The following IGSF21 variants were observed in gnomAD, a reference collection of about 807,000 sequenced individuals.
The protein encoded by IGSF21 is immunoglobin superfamily member 21.
A neutral mutation model predicts 46.8 loss-of-function variants in IGSF21; 28 were observed. The observed-to-expected ratio is 0.60, with a 90% CI of 0.44 to 0.82. The LOEUF (loss-of-function observed/expected upper bound fraction) is 0.82, where lower values mean the gene tolerates loss of function less well. Ranked by LOEUF, IGSF21 falls within the 40% of genes least tolerant of loss-of-function variation. The probability of loss-of-function intolerance (pLI) is 0.00; values close to 1 mark genes in which losing one functional copy is unlikely to be tolerated. For synonymous variants in IGSF21, 284 were observed against 273.6 expected, an observed-to-expected ratio of 1.04 and a Z score of -0.38; for missense variants, 624 against 665.5, an observed-to-expected ratio of 0.94 and a Z score of 0.69.
chr1:18,153,852 C>T (rs575578244), intron 1 of IGSF21, among the ~76,000 whole-genome samples: 4 of 152,158 alleles, frequency 2.6e-5, no homozygotes, highest in African/African-American at 7.2e-5. Flanking sequence ...CAGGACTGTC[C>T]AGCTGCATCT....
intron 4 of IGSF21, among the ~76,000 whole-genome samples, chr1:18,356,137 G>T (rs2086015819): frequency 6.6e-6 from 1 of 152,256 alleles, no homozygotes; most frequent in East Asian, 1.9e-4. Context: ...ACCTGGCCTA[G>T]ATTCTTACTA....
intron 3 of IGSF21, among the ~76,000 whole-genome samples, chr1:18,323,962 G>A (rs2085631111): frequency 6.6e-6 from 1 of 152,120 alleles, no homozygotes; most frequent in Non-Finnish European, 1.5e-5. Context: ...CTTAGGTAGT[G>A]GGGCTTTTCC....
chr1:18,273,492 CT>C (rs1441265578), intron 2 of IGSF21, among the ~76,000 whole-genome samples: 1 of 75,980 alleles, frequency 1.3e-5, no homozygotes, highest in Non-Finnish European at 2.7e-5. Context: ...TTCTTTCTTT[CT>C]TTCTTTCTTT....
chr1:18,263,733 C>T (rs1055809871), intron 2 of IGSF21, among the ~76,000 whole-genome samples: 1 of 152,144 alleles, frequency 6.6e-6, no homozygotes, highest in Admixed American at 6.5e-5. Flanking sequence ...AGACACTCTT[C>T]CTGTAAAACC....
chr1:18,310,701 A>G lies in IGSF21; in HGVS notation c.305+18714A>G, dbSNP rs552360952. On this transcript the variant is annotated intron_variant, in intron 3 of 9. Transcript: ENST00000251296. ...CAAAATGCCACAAACTGGGAGGCTTAAAACAACAGAACTGTATTCTCTCAC... is the reference window on the plus strand; with the variant it reads ...CAAAATGCCACAAACTGGGAGGCTTGAAACAACAGAACTGTATTCTCTCAC... Among the ~76,000 whole-genome samples, 34 of 152,344 alleles carry G rather than the reference A, an allele frequency of 2.2e-4. No homozygotes were observed. The East Asian group carries it at 6.0e-3, about 27-fold the overall frequency.
chr1:18,345,580 C>T (rs1395958940), intron 4 of IGSF21, among the ~76,000 whole-genome samples: 1 of 152,098 alleles, frequency 6.6e-6, no homozygotes, highest in Non-Finnish European at 1.5e-5. Flanking sequence ...AGACATGTTT[C>T]TCCATGTTGG....
At chr1:18,263,450 T>C (rs1002866275) in intron 2 of IGSF21, among the ~76,000 whole-genome samples, 2 of 150,446 alleles carry the variant, frequency 1.3e-5, no homozygotes, top group Non-Finnish European at 1.5e-5. Context: ...ACCAGGCGAA[T>C]GCACATCTGA....
At chr1:18,252,676 G>A (rs1029557182) in intron 2 of IGSF21, among the ~76,000 whole-genome samples, 4 of 152,242 alleles carry the variant, frequency 2.6e-5, no homozygotes, top group Non-Finnish European at 4.4e-5. Context: ...AGAGGAGGAA[G>A]GGAATCAGAG....
At chr1:18,356,383 C>A (rs2086018500) in intron 4 of IGSF21, among the ~76,000 whole-genome samples, 1 of 152,152 alleles carries the variant, frequency 6.6e-6, no homozygotes, top group Non-Finnish European at 1.5e-5. Context: ...GAGCACTGGA[C>A]ATCATTGTCT....
intron 1 of IGSF21, among the ~76,000 whole-genome samples, chr1:18,125,462 C>G (rs182941848): frequency 2.0e-5 from 3 of 151,978 alleles, no homozygotes; most frequent in Admixed American, 2.0e-4. Context: ...AGGACAGATA[C>G]GGCTACCTCG....
intron 1 of IGSF21, among the ~76,000 whole-genome samples, chr1:18,158,138 T>TGAGTCTGAAGTCCTTCAGGATCTC (rs2086584464): frequency 6.6e-6 from 1 of 152,158 alleles, no homozygotes; most frequent in African/African-American, 2.4e-5. Context: ...GGGCAGGGAC[T>TGAGTCTGAAGTCCTTCAGGATCTC]GAGTCTGAAG....
At chr1:18,124,411 G>T (rs1339781881) in intron 1 of IGSF21, among the ~76,000 whole-genome samples, 1 of 152,200 alleles carries the variant, frequency 6.6e-6, no homozygotes, top group Non-Finnish European at 1.5e-5. Flanking sequence ...TTAAGCCACC[G>T]GCTAAGGGGT....
chr1:18,331,067 G>A (rs12410157), intron 3 of IGSF21, among the ~76,000 whole-genome samples: 68,004 of 152,056 alleles, frequency 0.45, 15,344 homozygotes, highest in South Asian at 0.54. Context: ...CATATTTTAA[G>A]ATTTACAGTT....
intron 1 of IGSF21, among the ~76,000 whole-genome samples, chr1:18,205,140 G>GGAGA (rs140828822): frequency 4.7e-5 from 7 of 149,722 alleles, no homozygotes; most frequent in South Asian, 2.1e-4. Flanking sequence ...GATAAGAAGG[G>GGAGA]GAGAGAGAGA....
chr1:18,239,449 T>G (rs1281265728), intron 2 of IGSF21, among the ~76,000 whole-genome samples: 1 of 152,036 alleles, frequency 6.6e-6, no homozygotes, highest in Non-Finnish European at 1.5e-5. Flanking sequence ...CGACCACCCC[T>G]CCCTGCCCCA....
intron 2 of IGSF21, among the ~76,000 whole-genome samples, chr1:18,229,362 C>T (rs1278314827): frequency 6.6e-6 from 1 of 152,196 alleles, no homozygotes; most frequent in Non-Finnish European, 1.5e-5. Context: ...GGCATGCGTG[C>T]TGTTCATAGT....
intron 2 of IGSF21, among the ~76,000 whole-genome samples, chr1:18,233,659 A>T (rs1024185661): frequency 2.0e-5 from 3 of 152,192 alleles, no homozygotes; most frequent in Non-Finnish European, 4.4e-5. Flanking sequence ...AGCTTACAGG[A>T]TCTAGAGAGG....
chr1:18,190,658 G>A (rs553766131), intron 1 of IGSF21, among the ~76,000 whole-genome samples: 1 of 152,172 alleles, frequency 6.6e-6, no homozygotes, highest in African/African-American at 2.4e-5. Flanking sequence ...TTCATCTCTG[G>A]TCCCTCTTTC....
At chr1:18,306,849 G>A (rs2085431170) in intron 3 of IGSF21, among the ~76,000 whole-genome samples, 1 of 152,198 alleles carries the variant, frequency 6.6e-6, no homozygotes, top group Non-Finnish European at 1.5e-5. Context: ...TCACTTATCG[G>A]CCCCTTCCTC....
Sources: allele counts gnomAD v4.1 joint callset (sites outside exome capture counted in the v4.1 genomes callset), GRCh38; gene constraint gnomAD v4.1.1; transcripts MANE v1.5; gene names NCBI Gene and HGNC (gene_info 2026-07-23, HGNC 2026-07-21).